C11orf97: variants seen among roughly 807,000 people sequenced by gnomAD.
The protein encoded by C11orf97 is uncharacterized protein C11orf97.
A neutral mutation model predicts 16.2 loss-of-function variants in C11orf97; 15 were observed. The observed-to-expected ratio is 0.93, with a 90% CI of 0.62 to 1.43. The LOEUF is 1.43. Ranked by LOEUF, C11orf97 falls within the 40% of genes most tolerant of loss-of-function variation. C11orf97 has a pLI of 0.00. For missense variants in C11orf97, 171 were observed against 161.2 expected, an observed-to-expected ratio of 1.06 and a Z score of -0.33; for synonymous variants, 61 against 65.7, an observed-to-expected ratio of 0.93 and a Z score of 0.34.
intron 1 of C11orf97, among the ~76,000 whole-genome samples, chr11:94,515,295 GA>G (rs1275761740): frequency 1.3e-5 from 2 of 149,644 alleles, no homozygotes; most frequent in East Asian, 1.9e-4. Flanking sequence ...TAGCTCTCAG[GA>G]AAAAAAACAA....
At chr11:94,527,162 C>T (rs1270946834) in intron 2 of C11orf97, among the ~76,000 whole-genome samples, 1 of 152,204 alleles carries the variant, frequency 6.6e-6, no homozygotes, top group Non-Finnish European at 1.5e-5. Flanking sequence ...GAACTAAGAT[C>T]AAAACCCAGA....
intron 2 of C11orf97, among the ~76,000 whole-genome samples, chr11:94,520,803 T>G (rs1947651846): frequency 6.6e-6 from 1 of 152,226 alleles, no homozygotes; most frequent in African/African-American, 2.4e-5. Flanking sequence ...TAACAGCCTC[T>G]GCTACTGCCC....
In C11orf97 at chr11:94,531,956, G is replaced by A. The variant is rs1337602207; in HGVS notation, c.*56G>A. On this transcript the variant is annotated 3_prime_UTR_variant, in exon 4 of 4. Transcript: ENST00000542198. ...CTCTTTCTGCTGATGTCTGAAGAAC[G>A]GAGAAGAAACTCAAGCTTGTTTCAG... 1.3e-5 allele frequency: 18 copies of A among 1,379,180 alleles called. No individual in the cohort carries two copies. The highest frequency in any genetic ancestry group is 1.8e-4 in the Middle Eastern group (1 of 5,512). 85.4% of individuals were successfully genotyped at this position (1,379,180 alleles called of 1,614,324 possible).
At position 94,518,590 on chromosome 11, in the gene C11orf97, T is replaced by G. The variant is rs555161356; in HGVS notation, c.250+903T>G. Among the ~76,000 whole-genome samples, 21 of 152,348 alleles carry G rather than the reference T, an allele frequency of 1.4e-4. No individual in the cohort carries two copies. The East Asian group carries it at 3.9e-3, about 28-fold the overall frequency. ...TGATAGCTCTTATTGATGGTTCATG[T>G]GTGAAAGAGATGCTCTAGGAGCCCC... On this transcript the variant is annotated intron_variant, in intron 2 of 3. Transcript: ENST00000542198.
At chr11:94,515,827 C>T (rs528384838) in intron 1 of C11orf97, among the ~76,000 whole-genome samples, 5 of 152,118 alleles carry the variant, frequency 3.3e-5, no homozygotes, top group Non-Finnish European at 7.3e-5. Flanking sequence ...CACAATTCTT[C>T]AAATCACCTT....
At chr11:94,530,253 G>A (rs1320792919) in intron 3 of C11orf97, among the ~76,000 whole-genome samples, 2 of 152,142 alleles carry the variant, frequency 1.3e-5, no homozygotes, top group Non-Finnish European at 2.9e-5. Context: ...TCCAGCTGGT[G>A]CCAAGCCCTT....
intron 2 of C11orf97, among the ~76,000 whole-genome samples, chr11:94,522,947 TG>T (rs1022332562): frequency 1.3e-5 from 2 of 152,148 alleles, no homozygotes; most frequent in African/African-American, 4.8e-5. Context: ...CAACAGTGGC[TG>T]GGGTTGGGTT....
chr11:94,519,588 T>C (rs1947640421), intron 2 of C11orf97, among the ~76,000 whole-genome samples: 1 of 152,250 alleles, frequency 6.6e-6, no homozygotes, highest in South Asian at 2.1e-4. Flanking sequence ...TCTTTTGGTT[T>C]ATAAAAATTC....
chr11:94,530,207 A>T (rs1397463899), intron 3 of C11orf97, among the ~76,000 whole-genome samples: 2 of 152,160 alleles, frequency 1.3e-5, no homozygotes, highest in Admixed American at 1.3e-4. Context: ...ACTCATCCAC[A>T]CTACATTCCT....
intron 2 of C11orf97, among the ~76,000 whole-genome samples, chr11:94,519,674 C>A (rs1237857999): frequency 1.3e-5 from 2 of 152,184 alleles, no homozygotes; most frequent in Non-Finnish European, 2.9e-5. Flanking sequence ...AAATAACATC[C>A]ACTAGAGGTC....
chr11:94,526,770 T>G (rs1414337290), intron 2 of C11orf97, among the ~76,000 whole-genome samples: 2 of 152,176 alleles, frequency 1.3e-5, no homozygotes, highest in African/African-American at 4.8e-5. Flanking sequence ...CAGCTTAAAC[T>G]TTGTAAGGTC....
intron 3 of C11orf97, among the ~76,000 whole-genome samples, chr11:94,528,658 C>T (rs539415335): frequency 6.6e-6 from 1 of 152,252 alleles, no homozygotes; most frequent in South Asian, 2.1e-4. Context: ...GGAATGAGGC[C>T]ACCAGACTGG....
intron 2 of C11orf97, among the ~76,000 whole-genome samples, chr11:94,522,261 C>T (rs1017597210): frequency 2.0e-5 from 3 of 152,184 alleles, no homozygotes; most frequent in African/African-American, 7.2e-5. Context: ...CTGGGCTGGG[C>T]ATGGTGGCTC....
intron 2 of C11orf97, among the ~76,000 whole-genome samples, chr11:94,522,331 C>G (rs558114860): frequency 5.3e-5 from 8 of 152,128 alleles, no homozygotes; most frequent in Non-Finnish European, 1.2e-4. Context: ...GTCAGGAGAT[C>G]GAGACCATCC....
chr11:94,516,691 G>T (rs1322684356), intron 1 of C11orf97, among the ~76,000 whole-genome samples: 1 of 152,196 alleles, frequency 6.6e-6, no homozygotes, highest in Non-Finnish European at 1.5e-5. Flanking sequence ...AGGGTGCCAT[G>T]ATAAAAAGTC....
Position 94,528,172 on chromosome 11 carries a change from A to G in C11orf97, c.339A>G (p.Pro113=), listed in dbSNP as rs1334966800. The G allele has an allele frequency of 1.3e-6, 2 of 1,535,870 alleles. No homozygotes were observed. Among genetic ancestry groups the G allele is most frequent in the Non-Finnish European group, 1.7e-6 (2 of 1,146,822 alleles). The change falls in exon 3 of 4, where the codon CCA becomes CCG. Residue 113 remains proline (P), a synonymous_variant. Transcript: ENST00000542198. ...TGCCGAGCAGAAACAGTTTATTGCC[A>G]CAAGCCAAGTACTACTCCAGGCACG... is the stretch of plus-strand genomic sequence containing the variant. ...PGLPSRNSLL[P]QAKYYSRHGG...
intron 3 of C11orf97, among the ~76,000 whole-genome samples, chr11:94,528,458 T>C (rs1318223335): frequency 6.6e-6 from 1 of 152,064 alleles, no homozygotes; most frequent in East Asian, 1.9e-4. Flanking sequence ...TCATGACTTT[T>C]TTCTTTACTT....
chr11:94,523,640 C>T (rs1215768441), intron 2 of C11orf97, among the ~76,000 whole-genome samples: 3 of 152,132 alleles, frequency 2.0e-5, no homozygotes, highest in Non-Finnish European at 4.4e-5. Flanking sequence ...TTCTCTTCTC[C>T]TTTGGCTGAA....
chr11:94,525,780 T>C (rs1231282001), intron 2 of C11orf97, among the ~76,000 whole-genome samples: 2 of 152,232 alleles, frequency 1.3e-5, no homozygotes, highest in Non-Finnish European at 2.9e-5. Context: ...CCAATGTTCA[T>C]TATTTACAAT....
Sources: gnomAD v4.1 joint callset for allele counts (sites outside exome capture counted in the v4.1 genomes callset) on GRCh38, gnomAD v4.1.1 for gene constraint, MANE v1.5 for transcripts, NCBI Gene and HGNC (gene_info 2026-07-23, HGNC 2026-07-21) for gene names.